Variants in ADSL observed in about 807,000 individuals in gnomAD.
ADSL encodes the protein adenylosuccinate lyase, also known as adenylosuccinase.
In ADSL, 44 loss-of-function variants were observed where a neutral mutation model predicts 62.1. The observed-to-expected ratio is 0.71, with a 90% CI of 0.56 to 0.91. The LOEUF (loss-of-function observed/expected upper bound fraction) is 0.91. ADSL is among the 40% of genes least tolerant of loss of function. The pLI is 0.00. For missense variants in ADSL, 531 were observed against 627.4 expected (o/e 0.85, Z 1.64); for synonymous variants, 198 against 220.5 (o/e 0.90, Z 0.90).
intron 1 of ADSL, 59 bp downstream of exon 1, chr22:40,346,770 C>G (rs1287768214): frequency 6.5e-7 from 1 of 1,530,002 alleles, no homozygotes; most frequent in African/African-American, 1.4e-5. Context: ...CCAGCACGTG[C>G]CGGGCTCTGT....
intron 4 of ADSL, among the ~76,000 whole-genome samples, chr22:40,356,885 T>G (rs1426119795): frequency 6.6e-6 from 1 of 152,016 alleles, no homozygotes; most frequent in African/African-American, 2.4e-5. Context: ...TTATTCATAA[T>G]TATATATTTT....
chr22:40,357,876 A>G (rs1260495868), intron 4 of ADSL, among the ~76,000 whole-genome samples: 1 of 151,868 alleles, frequency 6.6e-6, no homozygotes, highest in Non-Finnish European at 1.5e-5. Flanking sequence ...GGTTCGAGTG[A>G]TTCTCCTGCC....
chr22:40,364,330 A>T lies in ADSL; in HGVS notation c.1156A>T (p.Ile386Phe). The T allele has an allele frequency of 6.2e-7, 1 of 1,614,082 alleles. No individual in the cohort carries two copies. The highest frequency in any genetic ancestry group is 8.5e-7 in the Non-Finnish European group (1 of 1,180,010). Residue 386 changes from isoleucine to phenylalanine, a missense_variant, in exon 11 of 13, where the codon ATC (isoleucine) becomes TTC (phenylalanine). Physicochemically the swap from Ile to Phe is conservative, Grantham distance 21 (BLOSUM62 0). Around this residue, in one of 2 missense-constraint regions of ADSL, gnomAD observed 471 missense variants for 592.9 expected, o/e 0.79. Transcript: ENST00000623063. ...ELPFMATENIIMAMVKAGGSR... is the reference protein window; with the variant it reads ...ELPFMATENIFMAMVKAGGSR... Reference sequence around the variant, plus strand: ...GCCTTTCATGGCCACAGAGAACATCATCATGGCCATGGTCAAAGCTGGAGG... The same window carrying T: ...GCCTTTCATGGCCACAGAGAACATCTTCATGGCCATGGTCAAAGCTGGAGG...
At chr22:40,364,040 G>T (rs920321757) in intron 10 of ADSL, among the ~76,000 whole-genome samples, 9 of 151,326 alleles carry the variant, frequency 5.9e-5, no homozygotes, top group Admixed American at 2.6e-4. Flanking sequence ...TCACGCCACT[G>T]CACTCCAGCC....
At chr22:40,372,566 TA>T (rs1251792169), downstream of ADSL, 5 of 152,180 alleles carry the variant, frequency 3.3e-5, no homozygotes, top group African/African-American at 7.2e-5. Context: ...TGCTTCAATA[TA>T]AAAACGCATA....
chr22:40,364,028 G>C (rs1311311810), intron 10 of ADSL, among the ~76,000 whole-genome samples: 1 of 151,276 alleles, frequency 6.6e-6, no homozygotes, highest in Non-Finnish European at 1.5e-5. Context: ...AGTGAGCTGA[G>C]ATCACGCCAC....
In ADSL at chr22:40,346,675, G is replaced by A; in HGVS notation, c.117G>A (p.Trp39Ter). The change falls in exon 1 of 13, where the codon TGG becomes TGA. Residue 39 changes from tryptophan to a stop codon, truncating the protein, a stop_gained. Transcript: ENST00000623063. LOFTEE classifies it high-confidence loss of function. ...GCGACAGGTATAAATTCCGGACATG[G>A]CGGCAGCTGTGGCTGTGGCTGGCGG... ...VFSDRYKFRT[W>*]RQLWLWLAEA... The A allele has an allele frequency of 6.2e-7, 1 of 1,612,678 alleles. No individual in the cohort carries two copies. The highest frequency in any genetic ancestry group is 8.5e-7 in the Non-Finnish European group (1 of 1,179,692).
chr22:40,383,342 C>G (rs865849309), intron 2 of ADSL, among the ~76,000 whole-genome samples: 88 of 151,980 alleles, frequency 5.8e-4, no homozygotes, highest in Middle Eastern at 3.2e-3. Context: ...TGGCAGGTGC[C>G]TGTATTCCCA....
At chr22:40,357,521 G>T (rs2044612588) in intron 4 of ADSL, among the ~76,000 whole-genome samples, 1 of 152,130 alleles carries the variant, frequency 6.6e-6, no homozygotes, top group African/African-American at 2.4e-5. Flanking sequence ...CCAAAGTGCT[G>T]GAATTACAGG....
downstream of ADSL, among the ~76,000 whole-genome samples, chr22:40,374,126 GT>G (rs1247073766): frequency 6.6e-6 from 1 of 151,580 alleles, no homozygotes; most frequent in African/African-American, 2.4e-5. Context: ...CTAATTTTTT[GT>G]ATTTTTTTTA....
intron 1 of ADSL, among the ~76,000 whole-genome samples, chr22:40,347,551 G>A (rs1256279064): frequency 1.3e-5 from 2 of 152,164 alleles, no homozygotes; most frequent in African/African-American, 4.8e-5. Context: ...AAACGGCACA[G>A]TAAACATGGA....
At chr22:40,350,762 GCGCCTGCCACCACGC>G (rs1437081811) in intron 2 of ADSL, among the ~76,000 whole-genome samples, 1 of 151,920 alleles carries the variant, frequency 6.6e-6, no homozygotes, top group African/African-American at 2.4e-5. Flanking sequence ...GGGATTCCAC[GCGCCTGCCACCACGC>G]CGCCTGGCTA....
rs747546394 is a variant in ADSL at position 40,354,291 on chromosome 22, G to T, written c.446G>T (p.Arg149Leu). 1.9e-6 allele frequency: 3 copies of T among 1,614,148 alleles called. No homozygotes were observed. The highest frequency in any genetic ancestry group is 2.2e-5 in the East Asian group (1 of 44,882). Residue 149 changes from arginine to leucine, a missense_variant, in exon 4 of 13, where the codon CGA becomes CTA. Arg to Leu is a moderately radical substitution (Grantham distance 102). Around this residue, in one of 2 missense-constraint regions of ADSL, gnomAD observed 471 missense variants for 592.9 expected, o/e 0.79. Transcript: ENST00000623063. The stretch of plus-strand genomic sequence containing the variant: ...CGGCTTGCCGACTTTGCTAAGGAAC[G>T]AGCCAGTCTACCCACATTAGGTTTC... ...ISRLADFAKE[R>L]ASLPTLGFTH...
chr22:40,376,178 C>CTTTTTT lies in ADSL; in HGVS notation c.89+9707_89+9712dup, dbSNP rs10616868. 9.0e-4 allele frequency: 78 copies of CTTTTTT among 86,872 alleles called. 1 individual carries two copies. The highest frequency in any genetic ancestry group is 2.0e-3 in the South Asian group (4 of 1,988). 5.4% of individuals were successfully genotyped at this position (86,872 alleles called of 1,614,324 possible). On this transcript the variant is annotated intron_variant, in intron 2 of 2. Coordinates refer to the ADSL transcript ENST00000498234. ...GGATAGGGTTAAAGTCAAATTACCACTTTTTTTTTTTTTTTTTTTTTTTTT... is the reference window on the plus strand; with the variant it reads ...GGATAGGGTTAAAGTCAAATTACCACTTTTTTTTTTTTTTTTTTTTTTTTTTTTTTT...
intron 2 of ADSL, chr22:40,352,059 T>G (rs925536247): frequency 4.6e-5 from 7 of 152,182 alleles, no homozygotes; most frequent in African/African-American, 1.7e-4. Flanking sequence ...GGAAAATCCT[T>G]TAAAAAAGTA....
chr22:40,352,940 G>A (rs997228215), intron 2 of ADSL, 133 bp from the exon 3 acceptor site: 17 of 716,096 alleles, frequency 2.4e-5, no homozygotes, highest in African/African-American at 1.8e-4. Flanking sequence ...ATTTTCTGGC[G>A]TGCTTAGTGG....
At chr22:40,347,987 G>GTA (rs1298248775) in intron 1 of ADSL, among the ~76,000 whole-genome samples, 2 of 152,200 alleles carry the variant, frequency 1.3e-5, no homozygotes, top group African/African-American at 4.8e-5. Flanking sequence ...GCCAAAGCTA[G>GTA]TAAATGGCTT....
chr22:40,350,882 A>AAGTGCTGAG (rs1443709090), intron 2 of ADSL, among the ~76,000 whole-genome samples: 1 of 152,094 alleles, frequency 6.6e-6, no homozygotes, highest in Non-Finnish European at 1.5e-5. Flanking sequence ...TGGCCTCCCA[A>AAGTGCTGAG]AGTGCTGAGA....
chr22:40,353,520 G>T, intron 3 of ADSL: 1 of 657,736 alleles, frequency 1.5e-6, no homozygotes, highest in East Asian at 2.7e-5. Context: ...CTGAGCTCAA[G>T]GGATCCACCC....
Sources: allele counts gnomAD v4.1 joint callset (sites outside exome capture counted in the v4.1 genomes callset), GRCh38; gene constraint gnomAD v4.1.1; regional missense constraint gnomAD v4.1.1; transcripts MANE v1.5; gene names NCBI Gene and HGNC (gene_info 2026-07-23, HGNC 2026-07-21).